The following APCS variants were observed in gnomAD, a reference collection of about 807,000 sequenced individuals.
APCS encodes amyloid P component, serum.
A neutral mutation model predicts 2.5 loss-of-function variants in APCS; 2 were observed. That is an observed-to-expected ratio of 0.80 (90% confidence interval 0.33 to 2.53). The LOEUF (loss-of-function observed/expected upper bound fraction) is 2.53, where lower values mean the gene tolerates loss of function less well. APCS is among the 30% of genes most tolerant of loss of function. The pLI, the probability that APCS is intolerant of heterozygous loss-of-function variation, is 0.11. For missense variants in APCS, 302 were observed against 258.9 expected (o/e 1.17, Z -1.14); for synonymous variants, 109 against 102.5 (o/e 1.06, Z -0.39).
In APCS at chr1:159,587,986, G is replaced by C. The variant is rs1658798459; in HGVS notation, c.64+1G>C. 2.5e-6 allele frequency: 4 copies of C among 1,613,988 alleles called. No homozygotes were observed. The highest frequency in any genetic ancestry group is 1.3e-5 in the African/African-American group (1 of 74,932). ...CTCCTGGAAGCCTTTGCTCACACAG[G>C]TAAGGAGGTGAAGGAATGGTCAAGA... On this transcript the variant is annotated splice_donor_variant, in intron 1 of 1. Transcript: ENST00000255040. LOFTEE classifies it high-confidence loss of function.
chr1:159,588,150 T>G lies in APCS; in HGVS notation c.114T>G (p.His38Gln). The G allele has an allele frequency of 6.2e-7, 1 of 1,613,116 alleles. No individual in the cohort carries two copies. Among genetic ancestry groups the G allele is most frequent in the Non-Finnish European group, 8.5e-7 (1 of 1,179,058 alleles). ...TTCCTAGAGAATCTGTTACTGATCA[T>G]GTAAACTTGATCACACCGCTGGAGA... The part of the protein sequence containing the change: ...FVFPRESVTD[H>Q]VNLITPLEKP... Residue 38 changes from histidine (H) to glutamine (Q), a missense_variant, in exon 2 of 2, where the codon CAT becomes CAG. Physicochemically the swap from His to Gln is conservative, Grantham distance 24. Transcript: ENST00000255040.
rs1205816920 is a variant in APCS at position 159,588,412 on chromosome 1, T to G, written c.376T>G (p.Phe126Val). 6.2e-6 allele frequency: 10 copies of G among 1,614,098 alleles called. No individual in the cohort carries two copies. The highest frequency in any genetic ancestry group is 6.8e-6 in the Non-Finnish European group (8 of 1,180,008). Residue 126 changes from phenylalanine to valine, a missense_variant, in exon 2 of 2, where the codon TTT (phenylalanine) becomes GTT (valine). By Grantham distance (50) the Phe-to-Val change is conservative. Coordinates refer to ENST00000255040, the MANE Select transcript of APCS (RefSeq NM_001639.4). ...SWESSSGIAE[F>V]WINGTPLVKK... is the part of the protein sequence containing the mutation. ...GGAGTCCTCATCAGGTATTGCTGAATTTTGGATCAATGGGACACCTTTGGT... is the reference window on the plus strand; with the variant it reads ...GGAGTCCTCATCAGGTATTGCTGAAGTTTGGATCAATGGGACACCTTTGGT...
In APCS at chr1:159,587,828, G is replaced by T. The variant is rs201292757; in HGVS notation, c.-94G>T. 1 of 1,304,346 alleles carries T rather than the reference G, an allele frequency of 7.7e-7. No homozygotes were observed. Among genetic ancestry groups the T allele is most frequent in the Admixed American group, 1.7e-5 (1 of 59,476 alleles). The allele number at this position is 1,304,346 out of a possible 1,614,324, so 80.8% of individuals were successfully genotyped here. ...ACCCTGAATAACCTGAAGTCTAAGGGCATGAATATCAGACGCTAGGGGGAC... is the reference window on the plus strand; with the variant it reads ...ACCCTGAATAACCTGAAGTCTAAGGTCATGAATATCAGACGCTAGGGGGAC... On this transcript the variant is annotated 5_prime_UTR_variant, in exon 1 of 2. Transcript: ENST00000255040.
At position 159,588,154 on chromosome 1, in the gene APCS, A is replaced by C; in HGVS notation, c.118A>C (p.Asn40His). Residue 40 changes from asparagine to histidine, a missense_variant, in exon 2 of 2, where the codon AAC becomes CAC. Coordinates refer to ENST00000255040, the MANE Select transcript of APCS (RefSeq NM_001639.4). Reference protein sequence around the residue: ...FPRESVTDHVNLITPLEKPLQ... With the variant: ...FPRESVTDHVHLITPLEKPLQ... ...TAGAGAATCTGTTACTGATCATGTA[A>C]ACTTGATCACACCGCTGGAGAAGCC... 2 of 1,613,218 alleles carry C rather than the reference A, an allele frequency of 1.2e-6. No homozygotes were observed. Among genetic ancestry groups the C allele is most frequent in the Non-Finnish European group, 1.7e-6 (2 of 1,179,190 alleles).
rs769400183 is a variant in APCS, at chr1:159,587,988, A to G, written c.64+3A>G. ...CCTGGAAGCCTTTGCTCACACAGGTAAGGAGGTGAAGGAATGGTCAAGAAT... is the reference window on the plus strand; with the variant it reads ...CCTGGAAGCCTTTGCTCACACAGGTGAGGAGGTGAAGGAATGGTCAAGAAT... On this transcript the variant is annotated splice_donor_region_variant and intron_variant, in intron 1 of 1. Transcript: ENST00000255040. The G allele has an allele frequency of 6.2e-6, 10 of 1,613,888 alleles. No individual in the cohort carries two copies. The highest frequency in any genetic ancestry group is 4.0e-5 in the African/African-American group (3 of 74,930).
chr1:159,588,060 T>C (rs199983893), intron 1 of APCS, 41 bp from the exon 2 acceptor site: 16 of 1,613,202 alleles, frequency 9.9e-6, no homozygotes, highest in Middle Eastern at 1.6e-4. Flanking sequence ...TTTCCCTGCA[T>C]TTATACTGAA....
At position 159,587,917 on chromosome 1, in the gene APCS, G is replaced by C. The variant is rs1658796513; in HGVS notation, c.-5G>C. 1.9e-6 allele frequency: 3 copies of C among 1,613,600 alleles called. No homozygotes were observed. Among genetic ancestry groups the C allele is most frequent in the African/African-American group, 1.3e-5 (1 of 74,896 alleles). ...CTTCTGCTATAACAGCCCTAGGCCA[G>C]GAATATGAACAAGCCGCTGCTTTGG... On this transcript the variant is annotated 5_prime_UTR_variant, in exon 1 of 2. Transcript: ENST00000255040.
In APCS at chr1:159,588,526, G is replaced by T. The variant is rs1658815209; in HGVS notation, c.490G>T (p.Asp164Tyr). 6.2e-7 allele frequency: 1 copy of T among 1,614,014 alleles called. No homozygotes were observed. The highest frequency in any genetic ancestry group is 8.5e-7 in the Non-Finnish European group (1 of 1,180,002). The change falls in exon 2 of 2, where the codon GAT becomes TAT. Residue 164 changes from aspartate (D) to tyrosine (Y), a missense_variant. Asp to Tyr is a radical substitution (Grantham distance 160). Coordinates refer to ENST00000255040, the MANE Select transcript of APCS (RefSeq NM_001639.4). ...QEQDSYGGKF[D>Y]RSQSFVGEIG... ...ACAGGATTCCTATGGGGGCAAGTTT[G>T]ATAGGAGCCAGTCCTTTGTGGGAGA...
Position 159,588,395 on chromosome 1 carries a change from C to T in APCS, c.359C>T (p.Ser120Leu). ...CACATCTGTGTGAGCTGGGAGTCCT[C>T]ATCAGGTATTGCTGAATTTTGGATC... Reference protein sequence around the residue: ...PVHICVSWESSSGIAEFWING... With the variant: ...PVHICVSWESLSGIAEFWING... Residue 120 changes from serine (S) to leucine (L), a missense_variant, in exon 2 of 2, where the codon TCA becomes TTA. By Grantham distance (145) the Ser-to-Leu change is moderately radical. Coordinates refer to ENST00000255040, the MANE Select transcript of APCS (RefSeq NM_001639.4). The T allele has an allele frequency of 6.2e-7, 1 of 1,614,062 alleles. No individual in the cohort carries two copies. The highest frequency in any genetic ancestry group is 1.1e-5 in the South Asian group (1 of 91,068).
rs1276061195 is a variant in APCS, at chr1:159,587,950, T to A, written c.29T>A (p.Val10Asp). Residue 10 changes from valine (V) to aspartate (D), a missense_variant, in exon 1 of 2, where the codon GTC becomes GAC. Coordinates refer to ENST00000255040, the MANE Select transcript of APCS (RefSeq NM_001639.4). MNKPLLWIS[V>D]LTSLLEAFAH... ...AACAAGCCGCTGCTTTGGATCTCTG[T>A]CCTCACCAGCCTCCTGGAAGCCTTT... The A allele has an allele frequency of 1.2e-6, 2 of 1,613,992 alleles. No individual in the cohort carries two copies. The highest frequency in any genetic ancestry group is 1.7e-6 in the Non-Finnish European group (2 of 1,180,030).
Position 159,587,887 on chromosome 1 carries a change from C to T in APCS, c.-35C>T, listed in dbSNP as rs201554469. 3.2e-4 allele frequency: 506 copies of T among 1,603,806 alleles called. 9 individuals are homozygous for T. In the East Asian group the frequency reaches 0.011, roughly 35 times the overall value. On this transcript the variant is annotated 5_prime_UTR_variant, in exon 1 of 2. Coordinates refer to ENST00000255040, the MANE Select transcript of APCS (RefSeq NM_001639.4). ...TGTTGTCTGCTACCCTCATCCTGGT[C>T]ACTGCTTCTGCTATAACAGCCCTAG...
At chr1:159,588,046 A>G in intron 1 of APCS, 55 bp from the exon 2 acceptor site, 1 of 1,613,110 alleles carries the variant, frequency 6.2e-7, no homozygotes, top group Non-Finnish European at 8.5e-7. Flanking sequence ...AAGCTGAGAT[A>G]TCTTTTCCCT....
Position 159,587,931 on chromosome 1 carries a change from C to A in APCS, c.10C>A (p.Pro4Thr). Residue 4 changes from proline to threonine, a missense_variant, in exon 1 of 2, where the codon CCG becomes ACG. By Grantham distance (38) the Pro-to-Thr change is conservative (BLOSUM62 -1). Transcript: ENST00000255040. ...GCCCTAGGCCAGGAATATGAACAAG[C>A]CGCTGCTTTGGATCTCTGTCCTCAC... MNK[P>T]LLWISVLTSL... The A allele has an allele frequency of 1.2e-6, 2 of 1,613,974 alleles. No homozygotes were observed. The highest frequency in any genetic ancestry group is 1.7e-6 in the Non-Finnish European group (2 of 1,180,016).
chr1:159,588,424 G>C lies in APCS; in HGVS notation c.388G>C (p.Gly130Arg), dbSNP rs768765833. The C allele has an allele frequency of 2.5e-6, 4 of 1,614,092 alleles. No individual in the cohort carries two copies. Among genetic ancestry groups the C allele is most frequent in the Non-Finnish European group, 2.5e-6 (3 of 1,180,028 alleles). Residue 130 changes from glycine to arginine, a missense_variant, in exon 2 of 2, where the codon GGG (glycine) becomes CGG (arginine). Coordinates refer to ENST00000255040, the MANE Select transcript of APCS (RefSeq NM_001639.4). ...SSGIAEFWIN[G>R]TPLVKKGLRQ... ...AGGTATTGCTGAATTTTGGATCAAT[G>C]GGACACCTTTGGTGAAAAAGGGTCT...
Position 159,588,226 on chromosome 1 carries a change from C to T in APCS, c.190C>T (p.Arg64Cys), listed in dbSNP as rs1003344971. ...TTTTCGAGCCTATAGTGATCTCTCTCGTGCCTACAGCCTCTTCTCCTACAA... is the reference window on the plus strand; with the variant it reads ...TTTTCGAGCCTATAGTGATCTCTCTTGTGCCTACAGCCTCTTCTCCTACAA... ...LCFRAYSDLS[R>C]AYSLFSYNTQ... The change falls in exon 2 of 2, where the codon CGT (arginine) becomes TGT (cysteine). Residue 64 changes from arginine to cysteine, a missense_variant. Physicochemically the swap from Arg to Cys is radical, Grantham distance 180. Coordinates refer to ENST00000255040, the MANE Select transcript of APCS (RefSeq NM_001639.4). The T allele has an allele frequency of 3.7e-6, 6 of 1,614,016 alleles. No homozygotes were observed. The highest frequency in any genetic ancestry group is 2.7e-5 in the African/African-American group (2 of 74,914).
chr1:159,588,362 C>T lies in APCS; in HGVS notation c.326C>T (p.Ala109Val), dbSNP rs774786617. 1.2e-5 allele frequency: 19 copies of T among 1,614,184 alleles called. 1 individual carries two copies. The highest frequency in any genetic ancestry group is 1.6e-5 in the Non-Finnish European group (19 of 1,180,036). The change falls in exon 2 of 2, where the codon GCT (alanine) becomes GTT (valine). Residue 109 changes from alanine (A) to valine (V), a missense_variant. Ala to Val is a moderately conservative substitution (Grantham distance 64). Coordinates refer to ENST00000255040, the MANE Select transcript of APCS (RefSeq NM_001639.4). Reference protein sequence around the residue: ...VTSKVIEKFPAPVHICVSWES... With the variant: ...VTSKVIEKFPVPVHICVSWES... ...TCCAAAGTTATCGAAAAGTTCCCGG[C>T]TCCAGTGCACATCTGTGTGAGCTGG...
rs943497399 is a variant in APCS at position 159,588,361 on chromosome 1, G to T, written c.325G>T (p.Ala109Ser). 1.4e-5 allele frequency: 22 copies of T among 1,613,972 alleles called. No individual in the cohort carries two copies. The highest frequency in any genetic ancestry group is 1.4e-5 in the Non-Finnish European group (16 of 1,180,018). The change falls in exon 2 of 2, where the codon GCT becomes TCT. Residue 109 changes from alanine to serine, a missense_variant. By Grantham distance (99) the Ala-to-Ser change is moderately conservative. Transcript: ENST00000255040. ...VTSKVIEKFP[A>S]PVHICVSWES... ...ATCCAAAGTTATCGAAAAGTTCCCG[G>T]CTCCAGTGCACATCTGTGTGAGCTG... is the stretch of plus-strand genomic sequence containing the variant.
In APCS at chr1:159,588,229, G is replaced by A. The variant is rs773455185; in HGVS notation, c.193G>A (p.Ala65Thr). ...TCGAGCCTATAGTGATCTCTCTCGT[G>A]CCTACAGCCTCTTCTCCTACAATAC... ...CFRAYSDLSR[A>T]YSLFSYNTQG... Residue 65 changes from alanine to threonine, a missense_variant, in exon 2 of 2, where the codon GCC (alanine) becomes ACC (threonine). By Grantham distance (58) the Ala-to-Thr change is moderately conservative. Coordinates refer to ENST00000255040, the MANE Select transcript of APCS (RefSeq NM_001639.4). 1 of 1,614,132 alleles carries A rather than the reference G, an allele frequency of 6.2e-7. No individual in the cohort carries two copies.
Position 159,588,220 on chromosome 1 carries a change from C to A in APCS, c.184C>A (p.Leu62Ile). Reference sequence around the variant, plus strand: ...CTTGTGTTTTCGAGCCTATAGTGATCTCTCTCGTGCCTACAGCCTCTTCTC... The same window carrying A: ...CTTGTGTTTTCGAGCCTATAGTGATATCTCTCGTGCCTACAGCCTCTTCTC... ...FTLCFRAYSD[L>I]SRAYSLFSYN... Residue 62 changes from leucine (L) to isoleucine (I), a missense_variant, in exon 2 of 2, where the codon CTC (leucine) becomes ATC (isoleucine). Transcript: ENST00000255040. The A allele has an allele frequency of 6.2e-7, 1 of 1,614,210 alleles. No individual in the cohort carries two copies. The highest frequency in any genetic ancestry group is 8.5e-7 in the Non-Finnish European group (1 of 1,180,034).
Sources: allele counts gnomAD v4.1 joint callset, GRCh38; gene constraint gnomAD v4.1.1; transcripts MANE v1.5; gene names NCBI Gene and HGNC (gene_info 2026-07-23, HGNC 2026-07-21).